ADO: variants seen among roughly 807,000 people sequenced by gnomAD.
ADO encodes 2-aminoethanethiol (cysteamine) dioxygenase.
A neutral mutation model predicts 16.6 loss-of-function variants in ADO; 9 were observed. That is an observed-to-expected ratio of 0.54 (90% CI 0.33 to 0.95). The LOEUF is 0.95. ADO is among the 40% of genes least tolerant of loss of function. The pLI is 0.03. For missense variants in ADO, 356 were observed against 386.4 expected (o/e 0.92, Z 0.66); for synonymous variants, 189 against 179.6 (o/e 1.05, Z -0.42).
Position 62,805,647 on chromosome 10 carries a change from C to T in ADO, c.588C>T (p.Asp196=), listed in dbSNP as rs561517580. The change falls in exon 1 of 1, where the codon GAC becomes GAT. Residue 196 remains aspartate (D), a synonymous_variant. Transcript: ENST00000373783. The surrounding 1 kb of genome is among the most constrained non-coding windows in gnomAD (Gnocchi z 6.4). ...TPHRDNLHQI[D]AVEGPAAFLD... The stretch of plus-strand genomic sequence containing the variant: ...ACCGGGACAACCTGCACCAGATCGA[C>T]GCCGTGGAAGGGCCTGCCGCCTTCC... 256 of 1,609,558 alleles carry T rather than the reference C, an allele frequency of 1.6e-4. 5 individuals are homozygous for T. The South Asian group carries it at 2.8e-3, about 17-fold the overall frequency.
chr10:62,805,518 C>T lies in ADO; in HGVS notation c.459C>T (p.Phe153=). The change falls in exon 1 of 1, where the codon TTC becomes TTT. Residue 153 remains phenylalanine (F), a synonymous_variant. Coordinates refer to ENST00000373783, the MANE Select transcript of ADO (RefSeq NM_032804.6). This position sits in a 1 kb window ranked among gnomAD's most constrained non-coding sequence, Gnocchi z 6.4. ...RPRALPPEQQ[F]EPPLQPRERE... ...GGGCCTTGCCGCCCGAGCAGCAGTT[C>T]GAGCCGCCGCTGCAGCCCCGGGAGC... 1 of 1,539,464 alleles carries T rather than the reference C, an allele frequency of 6.5e-7. No homozygotes were observed. Among genetic ancestry groups the T allele is most frequent in the Non-Finnish European group, 8.7e-7 (1 of 1,145,172 alleles).
At position 62,805,064 on chromosome 10, in the gene ADO, C is replaced by T. The variant is rs752746213; in HGVS notation, c.5C>T (p.Pro2Leu). Reference protein sequence around the residue: MPRDNMASLIQR... With the variant: MLRDNMASLIQR... ...CACGCAGAGGAGCAGCCGACCATGC[C>T]CCGAGACAACATGGCCTCCTTGATC... The change falls in exon 1 of 1, where the codon CCC (proline) becomes CTC (leucine). Residue 2 changes from proline to leucine, a missense_variant. Coordinates refer to ENST00000373783, the MANE Select transcript of ADO (RefSeq NM_032804.6). This position sits in a 1 kb window ranked among gnomAD's most constrained non-coding sequence, Gnocchi z 6.4. 4.2e-5 allele frequency: 63 copies of T among 1,493,086 alleles called. No homozygotes were observed. The highest frequency in any genetic ancestry group is 5.2e-5 in the Non-Finnish European group (58 of 1,125,676). 92.5% of individuals were successfully genotyped at this position (1,493,086 alleles called of 1,614,324 possible).
Position 62,805,597 on chromosome 10 carries a change from A to G in ADO, c.538A>G (p.Ser180Gly), listed in dbSNP as rs1275158646. ...TTCGCGGGCCGAGTACACCGAGGCC[A>G]GCGGCCCCTGCATCCTCACACCGCA... ...LRSRAEYTEA[S>G]GPCILTPHRD... Residue 180 changes from serine (S) to glycine (G), a missense_variant, in exon 1 of 1, where the codon AGC becomes GGC. Physicochemically the swap from Ser to Gly is moderately conservative, Grantham distance 56. Transcript: ENST00000373783. This position sits in a 1 kb window ranked among gnomAD's most constrained non-coding sequence, Gnocchi z 6.4. 1 of 1,592,444 alleles carries G rather than the reference A, an allele frequency of 6.3e-7. No individual in the cohort carries two copies. Among genetic ancestry groups the G allele is most frequent in the Admixed American group, 1.8e-5 (1 of 56,568 alleles).
chr10:62,805,443 G>A lies in ADO; in HGVS notation c.384G>A (p.Val128=), dbSNP rs1377479986. The A allele has an allele frequency of 6.4e-7, 1 of 1,558,842 alleles. No homozygotes were observed. Among genetic ancestry groups the A allele is most frequent in the South Asian group, 1.2e-5 (1 of 85,650 alleles). The change falls in exon 1 of 1, where the codon GTG becomes GTA. Residue 128 remains valine, a synonymous_variant. Transcript: ENST00000373783. This position sits in a 1 kb window ranked among gnomAD's most constrained non-coding sequence, Gnocchi z 6.4. Reference sequence around the variant, plus strand: ...TGCTCAAGGTGCTGTACGGCACCGTGCGCATCAGCTGCATGGACAAGCTAG... The same window carrying A: ...TGCTCAAGGTGCTGTACGGCACCGTACGCATCAGCTGCATGGACAAGCTAG... ...HGMLKVLYGT[V]RISCMDKLDA...
At position 62,806,530 on chromosome 10, in the gene ADO, C is replaced by T. The variant is rs1166108121; in HGVS notation, c.*658C>T. On this transcript the variant is annotated 3_prime_UTR_variant, in exon 1 of 1. Transcript: ENST00000373783. Reference sequence around the variant, plus strand: ...TTGCCCAGTAGCCACATCTGGTTTACTCAGGCAGCATCTACTAAGAAATTC... The same window carrying T: ...TTGCCCAGTAGCCACATCTGGTTTATTCAGGCAGCATCTACTAAGAAATTC... 1 of 167,258 alleles carries T rather than the reference C, an allele frequency of 6.0e-6. No individual in the cohort carries two copies. The highest frequency in any genetic ancestry group is 2.4e-5 in the African/African-American group (1 of 41,450). 10.4% of individuals were successfully genotyped at this position (167,258 alleles called of 1,614,324 possible). A position where few individuals can be genotyped will look rare whatever the true frequency, so the allele number is the denominator to read the frequency against.
In ADO at chr10:62,807,712, C is replaced by T. The variant is rs1589077879; in HGVS notation, c.*1840C>T. 6.0e-6 allele frequency: 1 copy of T among 167,100 alleles called. No individual in the cohort carries two copies. The highest frequency in any genetic ancestry group is 2.4e-5 in the African/African-American group (1 of 41,396). The allele number at this position is 167,100 out of a possible 1,614,324, so 10.4% of individuals were successfully genotyped here. ...CACATTCTGGTGTAGTTTAAAATGC[C>T]TTTGGGGGCAGTTTGAAGCAGTTCT... On this transcript the variant is annotated 3_prime_UTR_variant, in exon 1 of 1. Transcript: ENST00000373783.
rs374421085 is a variant in ADO at position 62,805,921 on chromosome 10, C to T, written c.*49C>T. The T allele has an allele frequency of 2.1e-6, 3 of 1,417,476 alleles. No individual in the cohort carries two copies. The highest frequency in any genetic ancestry group is 2.8e-6 in the Non-Finnish European group (3 of 1,073,478). 87.8% of individuals were successfully genotyped at this position (1,417,476 alleles called of 1,614,324 possible). A position where few individuals can be genotyped will look rare whatever the true frequency, so the allele number is the denominator to read the frequency against. Reference sequence around the variant, plus strand: ...GGGCCGAAGACGTGCCCTACCCTACCACAAGGGCTGTGTCTCTACCCCCTA... The same window carrying T: ...GGGCCGAAGACGTGCCCTACCCTACTACAAGGGCTGTGTCTCTACCCCCTA... On this transcript the variant is annotated 3_prime_UTR_variant, in exon 1 of 1. Coordinates refer to ENST00000373783, the MANE Select transcript of ADO (RefSeq NM_032804.6). The surrounding 1 kb of genome is among the most constrained non-coding windows in gnomAD (Gnocchi z 6.4).
In ADO at chr10:62,806,027, C is replaced by T. The variant is rs1172738103; in HGVS notation, c.*155C>T. The T allele has an allele frequency of 1.2e-4, 22 of 181,582 alleles. No individual in the cohort carries two copies. The allele number at this position is 181,582 out of a possible 1,614,324, so 11.2% of individuals were successfully genotyped here. ...GAAGCACGGGCGACTGGACAGCAGC[C>T]GCCGGGCACGGTTATGGGGGCGGGG... On this transcript the variant is annotated 3_prime_UTR_variant, in exon 1 of 1. Transcript: ENST00000373783.
Position 62,804,857 on chromosome 10 carries a change from A to T in ADO, c.-203A>T. On this transcript the variant is annotated 5_prime_UTR_variant, in exon 1 of 1. Transcript: ENST00000373783. ...GTGTGGGGCGTGCGCGTGCGCGCTC[A>T]GAGGGGGCTCAAGGCGAGCGCGCCG... The T allele has an allele frequency of 3.0e-6, 1 of 336,746 alleles. No individual in the cohort carries two copies. The highest frequency in any genetic ancestry group is 5.4e-5 in the East Asian group (1 of 18,386). The allele number at this position is 336,746 out of a possible 1,614,324, so 20.9% of individuals were successfully genotyped here. A position where few individuals can be genotyped will look rare whatever the true frequency, so the allele number is the denominator to read the frequency against.
At position 62,805,615 on chromosome 10, in the gene ADO, A is replaced by C. The variant is rs937433506; in HGVS notation, c.556A>C (p.Thr186Pro). The change falls in exon 1 of 1, where the codon ACA (threonine) becomes CCA (proline). Residue 186 changes from threonine (T) to proline (P), a missense_variant. Thr to Pro is a conservative substitution (Grantham distance 38, BLOSUM62 -1). Coordinates refer to ENST00000373783, the MANE Select transcript of ADO (RefSeq NM_032804.6). The surrounding 1 kb of genome is among the most constrained non-coding windows in gnomAD (Gnocchi z 6.4). ...YTEASGPCIL[T>P]PHRDNLHQID... ...CGAGGCCAGCGGCCCCTGCATCCTC[A>C]CACCGCACCGGGACAACCTGCACCA... is the stretch of plus-strand genomic sequence containing the variant. The C allele has an allele frequency of 6.2e-7, 1 of 1,602,202 alleles. No individual in the cohort carries two copies. Among genetic ancestry groups the C allele is most frequent in the Non-Finnish European group, 8.5e-7 (1 of 1,175,550 alleles).
In ADO at chr10:62,806,498, C is replaced by T. The variant is rs224082; in HGVS notation, c.*626C>T. On this transcript the variant is annotated 3_prime_UTR_variant, in exon 1 of 1. Coordinates refer to ENST00000373783, the MANE Select transcript of ADO (RefSeq NM_032804.6). ...GTAGAGGACAAGATTTATTTTCTTT[C>T]CTCCCTTTGCCCAGTAGCCACATCT... 49,107 of 167,146 alleles carry T rather than the reference C, an allele frequency of 0.29. 8,987 individuals carry two copies. Among genetic ancestry groups the T allele is most frequent in the Non-Finnish European group, 0.39 (26,467 of 68,066 alleles). 10.4% of individuals were successfully genotyped at this position (167,146 alleles called of 1,614,324 possible).
chr10:62,805,730 G>T lies in ADO; in HGVS notation c.671G>T (p.Arg224Leu). The T allele has an allele frequency of 6.2e-7, 1 of 1,610,662 alleles. No homozygotes were observed. ...PDDGRDCHYY[R>L]VLEPVRPKEA... Reference sequence around the variant, plus strand: ...GATGGCCGGGACTGCCACTATTACCGGGTGCTGGAGCCGGTCAGGCCCAAG... The same window carrying T: ...GATGGCCGGGACTGCCACTATTACCTGGTGCTGGAGCCGGTCAGGCCCAAG... The change falls in exon 1 of 1, where the codon CGG becomes CTG. Residue 224 changes from arginine to leucine, a missense_variant. Coordinates refer to ENST00000373783, the MANE Select transcript of ADO (RefSeq NM_032804.6). The surrounding 1 kb of genome is among the most constrained non-coding windows in gnomAD (Gnocchi z 6.4).
rs758243230 is a variant in ADO at position 62,805,141 on chromosome 10, C to T, written c.82C>T (p.Arg28Cys). The T allele has an allele frequency of 1.3e-6, 2 of 1,573,586 alleles. No individual in the cohort carries two copies. Among genetic ancestry groups the T allele is most frequent in the South Asian group, 2.3e-5 (2 of 86,700 alleles). The change falls in exon 1 of 1, where the codon CGC becomes TGC. Residue 28 changes from arginine to cysteine, a missense_variant. By Grantham distance (180) the Arg-to-Cys change is radical. Coordinates refer to ENST00000373783, the MANE Select transcript of ADO (RefSeq NM_032804.6). This position sits in a 1 kb window ranked among gnomAD's most constrained non-coding sequence, Gnocchi z 6.4. ...CACCTTCCGGGGCAGCGGGGGCGGC[C>T]GCGGCGCTTCCGATCGCGACGCGGC... ...CLTFRGSGGG[R>C]GASDRDAASG...
Position 62,808,437 on chromosome 10 carries a change from CTT to C in ADO, c.*2568_*2569del, listed in dbSNP as rs1842074332. ...CTAATGAGCACAATGATATTAATCA[CTT>C]TTATGGTGAATAATAAATGCAATAA... On this transcript the variant is annotated 3_prime_UTR_variant, in exon 1 of 1. Transcript: ENST00000373783. The C allele has an allele frequency of 6.0e-6, 1 of 167,220 alleles. No homozygotes were observed. Among genetic ancestry groups the C allele is most frequent in the African/African-American group, 2.4e-5 (1 of 41,462 alleles). 10.4% of individuals were successfully genotyped at this position (167,220 alleles called of 1,614,324 possible).
Position 62,805,972 on chromosome 10 carries a change from G to A in ADO, c.*100G>A. Reference sequence around the variant, plus strand: ...GCCTGGGCGTTGGATCTACTGGAATGAGCAGCAGCCGCTTCCTCGGCAGCC... The same window carrying A: ...GCCTGGGCGTTGGATCTACTGGAATAAGCAGCAGCCGCTTCCTCGGCAGCC... On this transcript the variant is annotated 3_prime_UTR_variant, in exon 1 of 1. Coordinates refer to ENST00000373783, the MANE Select transcript of ADO (RefSeq NM_032804.6). This position sits in a 1 kb window ranked among gnomAD's most constrained non-coding sequence, Gnocchi z 6.4. 2 of 1,079,412 alleles carry A rather than the reference G, an allele frequency of 1.9e-6. No individual in the cohort carries two copies. The highest frequency in any genetic ancestry group is 2.3e-5 in the South Asian group (1 of 43,988). 66.9% of individuals were successfully genotyped at this position (1,079,412 alleles called of 1,614,324 possible).
At position 62,808,378 on chromosome 10, in the gene ADO, CTG is replaced by C. The variant is rs1842073817; in HGVS notation, c.*2509_*2510del. On this transcript the variant is annotated 3_prime_UTR_variant, in exon 1 of 1. Transcript: ENST00000373783. ...AATATAGATAATGTTTTAATAACAA[CTG>C]TGGGATAAAAGTTATCTTCCCCTTG... 2 of 167,234 alleles carry C rather than the reference CTG, an allele frequency of 1.2e-5. No homozygotes were observed. The allele number at this position is 167,234 out of a possible 1,614,324, so 10.4% of individuals were successfully genotyped here. A position where few individuals can be genotyped will look rare whatever the true frequency, so the allele number is the denominator to read the frequency against.
chr10:62,804,935 C>G lies in ADO; in HGVS notation c.-125C>G. On this transcript the variant is annotated 5_prime_UTR_variant, in exon 1 of 1. Coordinates refer to ENST00000373783, the MANE Select transcript of ADO (RefSeq NM_032804.6). ...GTTGGCGGCGGTGCCGCGCGCCCGA[C>G]GGGCCGGTGGTTGCGGGGCCTCCCG... 1 of 914,808 alleles carries G rather than the reference C, an allele frequency of 1.1e-6. No individual in the cohort carries two copies. Among genetic ancestry groups the G allele is most frequent in the Non-Finnish European group, 1.4e-6 (1 of 699,784 alleles). The allele number at this position is 914,808 out of a possible 1,614,324, so 56.7% of individuals were successfully genotyped here. A position where few individuals can be genotyped will look rare whatever the true frequency, so the allele number is the denominator to read the frequency against.
Position 62,808,086 on chromosome 10 carries a change from AG to A in ADO, c.*2215del, listed in dbSNP as rs1842070709. ...AAAAACCTAAGGTGCTTTTCAAAAGAGTAACTGAAATTGTTGCAGGCCAAAA... is the reference window on the plus strand; with the variant it reads ...AAAAACCTAAGGTGCTTTTCAAAAGATAACTGAAATTGTTGCAGGCCAAAA... On this transcript the variant is annotated 3_prime_UTR_variant, in exon 1 of 1. Transcript: ENST00000373783. 6.0e-6 allele frequency: 1 copy of A among 167,238 alleles called. No homozygotes were observed. Among genetic ancestry groups the A allele is most frequent in the African/African-American group, 2.4e-5 (1 of 41,478 alleles). The allele number at this position is 167,238 out of a possible 1,614,324, so 10.4% of individuals were successfully genotyped here.
In ADO at chr10:62,805,388, C is replaced by T; in HGVS notation, c.329C>T (p.Pro110Leu). The T allele has an allele frequency of 6.3e-7, 1 of 1,593,270 alleles. No homozygotes were observed. Among genetic ancestry groups the T allele is most frequent in the South Asian group, 1.1e-5 (1 of 89,244 alleles). ...CTGCTCAAGAGCGGCACGTCCATCC[C>T]GCTGCACGACCACCCGGGCATGCAC... ...VFLLKSGTSI[P>L]LHDHPGMHGM... The change falls in exon 1 of 1, where the codon CCG becomes CTG. Residue 110 changes from proline (P) to leucine (L), a missense_variant. Coordinates refer to ENST00000373783, the MANE Select transcript of ADO (RefSeq NM_032804.6). This position sits in a 1 kb window ranked among gnomAD's most constrained non-coding sequence, Gnocchi z 6.4.
Sources: gnomAD v4.1 joint callset for allele counts on GRCh38, gnomAD v4.1.1 for gene constraint, Gnocchi (gnomAD v3.1) non-coding constraint, MANE v1.5 for transcripts, NCBI Gene and HGNC (gene_info 2026-07-23, HGNC 2026-07-21) for gene names.